The following TTC22 variants were observed in gnomAD, a reference collection of about 807,000 sequenced individuals.
The protein encoded by TTC22 is tetratricopeptide repeat domain 22.
A neutral mutation model predicts 48.2 loss-of-function variants in TTC22; 42 were observed. That is an observed-to-expected ratio of 0.87 (90% CI 0.68 to 1.13). The LOEUF (loss-of-function observed/expected upper bound fraction) is 1.13, where lower values mean the gene tolerates loss of function less well. Ranked by LOEUF, TTC22 falls within the 50% of genes most tolerant of loss-of-function variation. TTC22 has a pLI of 0.00. For missense variants in TTC22, 784 were observed against 807.0 expected, an observed-to-expected ratio of 0.97 and a Z score of 0.34; for synonymous variants, 345 against 365.5, an observed-to-expected ratio of 0.94 and a Z score of 0.64.
Position 54,781,573 on chromosome 1 carries a change from C to T in TTC22, c.1380G>A (p.Glu460=). 1 of 1,523,470 alleles carries T rather than the reference C, an allele frequency of 6.6e-7. No homozygotes were observed. Among genetic ancestry groups the T allele is most frequent in the Non-Finnish European group, 8.8e-7 (1 of 1,142,076 alleles). The allele number at this position is 1,523,470 out of a possible 1,614,324, so 94.4% of individuals were successfully genotyped here. The change falls in exon 7 of 7, where the codon GAG becomes GAA. Residue 460 remains glutamate, a synonymous_variant. Transcript: ENST00000371276. ...TGTGGCTGGAGCCCGCGTCGTCCAG[C>T]TCCACTGCGCGCTTGAAGCAGGCGG... ...NAAACFKRAV[E]LDDAGSSHTD... is the part of the protein sequence containing the mutation.
At chr1:54,787,988 C>T (rs1238645202) in intron 2 of TTC22, 54 bp downstream of exon 2, 5 of 1,580,118 alleles carry the variant, frequency 3.2e-6, no homozygotes, top group Non-Finnish European at 4.3e-6. Flanking sequence ...GGCTGGGTGC[C>T]AGGCCACACC....
chr1:54,781,830 C>T (rs1646265787), intron 6 of TTC22, 51 bp from the exon 7 acceptor site: 1 of 1,369,572 alleles, frequency 7.3e-7, no homozygotes, highest in Non-Finnish European at 9.4e-7. Flanking sequence ...CGGCTCCACG[C>T]TCATTCCCGC....
intron 5 of TTC22, among the ~76,000 whole-genome samples, chr1:54,784,239 C>A (rs569586515): frequency 6.6e-6 from 1 of 152,154 alleles, no homozygotes; most frequent in Non-Finnish European, 1.5e-5. Context: ...TTATGGGCCG[C>A]AGCATGGACT....
chr1:54,787,358 G>C (rs1436734486), intron 3 of TTC22: 3 of 560,886 alleles, frequency 5.3e-6, no homozygotes, highest in Admixed American at 6.7e-5. Flanking sequence ...AGCTCTGGTG[G>C]TTCTAGTCCC....
At chr1:54,790,373 G>T (rs188154227) in intron 1 of TTC22, among the ~76,000 whole-genome samples, 2 of 151,724 alleles carry the variant, frequency 1.3e-5, no homozygotes, top group Non-Finnish European at 2.9e-5. Flanking sequence ...AAGTGAGACC[G>T]TGTTTCTTAA....
rs950987213 is a variant in TTC22 at position 54,800,694 on chromosome 1, T to G, written c.470A>C (p.His157Pro). 1 of 1,546,880 alleles carries G rather than the reference T, an allele frequency of 6.5e-7. No homozygotes were observed. Among genetic ancestry groups the G allele is most frequent in the Non-Finnish European group, 8.7e-7 (1 of 1,154,636 alleles). Residue 157 changes from histidine to proline, a missense_variant, in exon 1 of 7, where the codon CAT becomes CCT. His to Pro is a moderately conservative substitution (Grantham distance 77, BLOSUM62 -2). Transcript: ENST00000371276. ...ARCLAEQGYAHGFDVGCASPE... is the reference protein window; with the variant it reads ...ARCLAEQGYAPGFDVGCASPE... ...GCTGGCGCAGCCGACGTCGAAGCCATGCGCGTAGCCCTGCTCGGCCAGGCA... is the reference window on the plus strand; with the variant it reads ...GCTGGCGCAGCCGACGTCGAAGCCAGGCGCGTAGCCCTGCTCGGCCAGGCA...
rs753368014 is a variant in TTC22, at chr1:54,800,584, AG to A, written c.567+12del. On this transcript the variant is annotated intron_variant, in intron 1 of 6. Transcript: ENST00000371276. ...TCCTCCCAGAGGGAGGTAGGGAGAC[AG>A]GGGTCACCTACCTGCTGCCCGTAGC... 3.0e-5 allele frequency: 45 copies of A among 1,487,386 alleles called. No homozygotes were observed. The highest frequency in any genetic ancestry group is 3.9e-5 in the Non-Finnish European group (44 of 1,131,454). 92.1% of individuals were successfully genotyped at this position (1,487,386 alleles called of 1,614,324 possible).
Position 54,794,514 on chromosome 1 carries a change from G to A in TTC22, c.567+6083C>T, listed in dbSNP as rs141251828. 9.2e-5 allele frequency among the ~76,000 whole-genome samples: 14 copies of A among 152,288 alleles called. No individual in the cohort carries two copies. The East Asian group carries it at 2.1e-3, about 23-fold the overall frequency. Reference sequence around the variant, plus strand: ...TACAGACACCTTGCTTGTTCTTAAGGAAAATATTTGCCTTGTATTTTGAAC... The same window carrying A: ...TACAGACACCTTGCTTGTTCTTAAGAAAAATATTTGCCTTGTATTTTGAAC... On this transcript the variant is annotated intron_variant, in intron 1 of 6. Coordinates refer to ENST00000371276, the MANE Select transcript of TTC22 (RefSeq NM_001114108.2).
chr1:54,782,960 G>A (rs1646274773), intron 5 of TTC22, among the ~76,000 whole-genome samples: 1 of 152,164 alleles, frequency 6.6e-6, no homozygotes, highest in Admixed American at 6.5e-5. Context: ...TAGGTAGGAT[G>A]GCAGCACCGA....
Position 54,800,825 on chromosome 1 carries a change from C to T in TTC22, c.339G>A (p.Leu113=), listed in dbSNP as rs377477578. 1 of 1,599,896 alleles carries T rather than the reference C, an allele frequency of 6.3e-7. No homozygotes were observed. Residue 113 remains leucine (L), a synonymous_variant, in exon 1 of 7, where the codon CTG becomes CTA. Coordinates refer to ENST00000371276, the MANE Select transcript of TTC22 (RefSeq NM_001114108.2). ...WANLAHVYGR[L]GQEEEEEACA... is the part of the protein sequence containing the mutation. ...ACGCCTCCTCCTCTTCTTCCTGGCC[C>T]AGCCGCCCGTACACGTGTGCCAGAT...
intron 5 of TTC22, chr1:54,785,579 A>T (rs560393187): frequency 2.2e-6 from 1 of 451,154 alleles, no homozygotes; most frequent in East Asian, 7.0e-5. Flanking sequence ...TGGGAGGTCG[A>T]GGTGGGAGGA....
chr1:54,793,419 C>T (rs1402917898), intron 1 of TTC22, among the ~76,000 whole-genome samples: 1 of 152,116 alleles, frequency 6.6e-6, no homozygotes, highest in Non-Finnish European at 1.5e-5. Context: ...CAGAGGTTGC[C>T]TACTTAACCT....
intron 3 of TTC22, chr1:54,787,409 C>G: frequency 1.8e-6 from 1 of 565,972 alleles, no homozygotes. Context: ...GACTCGACTC[C>G]TCTCCAACAG....
chr1:54,800,783 G>C lies in TTC22; in HGVS notation c.381C>G (p.Ala127=). 1 of 1,561,858 alleles carries C rather than the reference G, an allele frequency of 6.4e-7. No homozygotes were observed. The highest frequency in any genetic ancestry group is 8.7e-7 in the Non-Finnish European group (1 of 1,156,020). The change falls in exon 1 of 7, where the codon GCC becomes GCG. Residue 127 remains alanine (A), a synonymous_variant. Transcript: ENST00000371276. ...GCTCCTCTGCCAGGCCCATGAGGTC[G>C]GCCAGCCGTGCGGCGCACGCCTCCT... The part of the protein sequence containing the change: ...EEEEACAARL[A]DLMGLAEEPE...
At chr1:54,796,776 C>T (rs1470902934) in intron 1 of TTC22, among the ~76,000 whole-genome samples, 1 of 151,994 alleles carries the variant, frequency 6.6e-6, no homozygotes, top group African/African-American at 2.4e-5. Flanking sequence ...ATTTTAAAGA[C>T]AGAATCCAGT....
intron 4 of TTC22, 198 bp downstream of exon 4, chr1:54,786,757 TGG>T: frequency 2.4e-6 from 1 of 412,438 alleles, no homozygotes; most frequent in Non-Finnish European, 4.3e-6. Flanking sequence ...AGAAATGGGC[TGG>T]GGCCAGACTG....
intron 3 of TTC22, 32 bp from the exon 4 acceptor site, chr1:54,787,107 G>A: frequency 8.0e-7 from 1 of 1,256,898 alleles, no homozygotes; most frequent in Non-Finnish European, 1.1e-6. Flanking sequence ...GGGTCTCTAG[G>A]AAGCAGCAGG....
chr1:54,787,740 A>G lies in TTC22; in HGVS notation c.710T>C (p.Val237Ala). Residue 237 changes from valine (V) to alanine (A), a missense_variant, in exon 3 of 7, where the codon GTG (valine) becomes GCG (alanine). Physicochemically the swap from Val to Ala is moderately conservative, Grantham distance 64 (BLOSUM62 0). Transcript: ENST00000371276. ...GTGGCGGGGGTCCTCGGACTTCAGCACTTGCCGGAGTAGGGCCAGCGTGCG... is the reference window on the plus strand; with the variant it reads ...GTGGCGGGGGTCCTCGGACTTCAGCGCTTGCCGGAGTAGGGCCAGCGTGCG... The part of the protein sequence containing the change: ...FNRTLALLRQ[V>A]LKSEDPRHRA... 1 of 1,613,440 alleles carries G rather than the reference A, an allele frequency of 6.2e-7. No homozygotes were observed. Among genetic ancestry groups the G allele is most frequent in the Non-Finnish European group, 8.5e-7 (1 of 1,179,762 alleles).
chr1:54,799,763 G>C (rs574483027), intron 1 of TTC22, among the ~76,000 whole-genome samples: 43 of 152,304 alleles, frequency 2.8e-4, no homozygotes, highest in African/African-American at 9.9e-4. Flanking sequence ...CGGGGAGAGG[G>C]AGGGGTCATC....
Sources: gnomAD v4.1 joint callset for allele counts (sites outside exome capture counted in the v4.1 genomes callset) on GRCh38, gnomAD v4.1.1 for gene constraint, MANE v1.5 for transcripts, NCBI Gene and HGNC (gene_info 2026-07-23, HGNC 2026-07-21) for gene names.